ERC2: variants seen among roughly 807,000 people sequenced by gnomAD.
ERC2 encodes the protein ERC protein 2.
A neutral mutation model predicts 114.8 loss-of-function variants in ERC2; 42 were observed. That is an observed-to-expected ratio of 0.37 (90% CI 0.29 to 0.47). The LOEUF (loss-of-function observed/expected upper bound fraction) is 0.47, where lower values mean the gene tolerates loss of function less well. Among genes scored for constraint, ERC2 ranks in the 20% least tolerant of loss-of-function variants. ERC2 has a pLI of 0.99. For missense variants in ERC2, 939 were observed against 1,150.7 expected (o/e 0.82, Z 2.66); for synonymous variants, 454 against 425.5 (o/e 1.07, Z -0.82).
chr3:55,926,810 T>A (rs2065779948), intron 13 of ERC2, among the ~76,000 whole-genome samples: 1 of 152,176 alleles, frequency 6.6e-6, no homozygotes, highest in Non-Finnish European at 1.5e-5. Context: ...TCTCTGTGGC[T>A]GGAAGGCAAA....
intron 13 of ERC2, among the ~76,000 whole-genome samples, chr3:55,949,056 G>T (rs73086151): frequency 2.0e-5 from 3 of 151,920 alleles, no homozygotes; most frequent in African/African-American, 7.3e-5. Flanking sequence ...GAGCCCTAAG[G>T]TCAGGTCGTC....
chr3:55,945,367 TTA>T (rs2067061161), intron 13 of ERC2, among the ~76,000 whole-genome samples: 2 of 152,320 alleles, frequency 1.3e-5, no homozygotes, highest in East Asian at 3.9e-4. Flanking sequence ...TAGATCACAT[TTA>T]AAGTAACAAT....
chr3:55,796,141 G>A (rs533685951), intron 14 of ERC2, among the ~76,000 whole-genome samples: 2 of 152,170 alleles, frequency 1.3e-5, no homozygotes, highest in East Asian at 1.9e-4. Context: ...AAATTATACC[G>A]GCAAGGCTAT....
At chr3:56,064,567 AG>A (rs2076386126) in intron 7 of ERC2, among the ~76,000 whole-genome samples, 1 of 152,262 alleles carries the variant, frequency 6.6e-6, no homozygotes, top group African/African-American at 2.4e-5. Context: ...AGAACGCAAC[AG>A]AAACTAAGGA....
chr3:56,376,605 A>G (rs2059552191), intron 2 of ERC2, among the ~76,000 whole-genome samples: 1 of 152,132 alleles, frequency 6.6e-6, no homozygotes, highest in Admixed American at 6.5e-5. Flanking sequence ...TCTACTAAAA[A>G]TACAAAAATT....
At chr3:56,405,687 A>G (rs150655734) in intron 2 of ERC2, among the ~76,000 whole-genome samples, 4 of 152,270 alleles carry the variant, frequency 2.6e-5, no homozygotes, top group East Asian at 1.9e-4. Flanking sequence ...GAAGAAATAG[A>G]TTAAATGTGT....
rs566741526 is a variant in ERC2 at position 55,943,054 on chromosome 3, CT to C, written c.2403+7370del. On this transcript the variant is annotated intron_variant, in intron 13 of 17. Transcript: ENST00000288221. The stretch of plus-strand genomic sequence containing the variant: ...TGCACTGTAATTTGCAGGTGCCCCC[CT>C]GACTAACCTCTGGTAGCGATAACTC... Among the ~76,000 whole-genome samples the C allele has an allele frequency of 2.4e-4, 37 of 152,288 alleles. No homozygotes were observed. In the South Asian group the frequency reaches 6.2e-3, roughly 26 times the overall value.
chr3:55,956,824 C>T (rs2067987716), intron 12 of ERC2, among the ~76,000 whole-genome samples: 1 of 152,160 alleles, frequency 6.6e-6, no homozygotes, highest in South Asian at 2.1e-4. Flanking sequence ...CCCACATCCC[C>T]ACATTTTCCA....
chr3:56,003,058 G>A (rs1316722689), intron 10 of ERC2: 1 of 1,273,830 alleles, frequency 7.9e-7, no homozygotes, highest in Non-Finnish European at 1.0e-6. Flanking sequence ...GGATCCTCAT[G>A]CTTTGATATG....
chr3:56,426,965 C>T (rs868497486), intron 2 of ERC2, among the ~76,000 whole-genome samples: 1 of 143,116 alleles, frequency 7.0e-6, no homozygotes, highest in Non-Finnish European at 1.5e-5. Flanking sequence ...AGTTCAAGAC[C>T]AGCTTGGGAA....
chr3:55,599,049 C>G (rs2058281018), intron 17 of ERC2, among the ~76,000 whole-genome samples: 2 of 152,214 alleles, frequency 1.3e-5, no homozygotes, highest in South Asian at 4.1e-4. Flanking sequence ...AGGAGCAGTA[C>G]AATTTTGGCA....
Position 56,228,307 on chromosome 3 carries a change from G to C in ERC2, c.1075-54787C>G, listed in dbSNP as rs145225435. Among the ~76,000 whole-genome samples the C allele has an allele frequency of 2.8e-3, 428 of 152,130 alleles. 1 individual carries two copies. The highest frequency in any genetic ancestry group is 9.9e-3 in the African/African-American group (409 of 41,512). ...GCAACCGTCACCACCATCCATCTCC[G>C]GAACTTCCCAAATTGAAATTCCATG... is the stretch of plus-strand genomic sequence containing the variant. On this transcript the variant is annotated intron_variant, in intron 3 of 17. Coordinates refer to ENST00000288221, the MANE Select transcript of ERC2 (RefSeq NM_015576.3).
chr3:55,608,401 G>A (rs1339274864), intron 17 of ERC2, among the ~76,000 whole-genome samples: 1 of 152,142 alleles, frequency 6.6e-6, no homozygotes, highest in Non-Finnish European at 1.5e-5. Context: ...AAACACCAGA[G>A]GCAATCATAT....
At chr3:56,079,869 T>G (rs2077147378) in intron 7 of ERC2, among the ~76,000 whole-genome samples, 1 of 152,154 alleles carries the variant, frequency 6.6e-6, no homozygotes, top group Admixed American at 6.5e-5. Context: ...ACATCTGGAA[T>G]GCTGTAGATC....
chr3:55,563,463 G>A (rs2056170634), intron 17 of ERC2, among the ~76,000 whole-genome samples: 1 of 152,088 alleles, frequency 6.6e-6, no homozygotes, highest in Non-Finnish European at 1.5e-5. Context: ...CCCAGGATGG[G>A]CTCCCAACTG....
chr3:56,345,831 G>A, intron 2 of ERC2, among the ~76,000 whole-genome samples: 1 of 152,340 alleles, frequency 6.6e-6, no homozygotes, highest in East Asian at 1.9e-4. Flanking sequence ...CATGCAATCT[G>A]TAAGCATATG....
chr3:55,592,624 G>A (rs1005321771), intron 17 of ERC2, among the ~76,000 whole-genome samples: 2 of 152,154 alleles, frequency 1.3e-5, no homozygotes, highest in African/African-American at 4.8e-5. Flanking sequence ...TGTCTACAAT[G>A]ACGAAGTGTA....
intron 17 of ERC2, among the ~76,000 whole-genome samples, chr3:55,556,269 C>T (rs1238009782): frequency 6.6e-6 from 1 of 152,186 alleles, no homozygotes; most frequent in Non-Finnish European, 1.5e-5. Flanking sequence ...TCTCTCACTG[C>T]ATGGATATTT....
intron 7 of ERC2, among the ~76,000 whole-genome samples, chr3:56,026,395 G>A (rs536672187): frequency 6.6e-6 from 1 of 152,242 alleles, no homozygotes; most frequent in South Asian, 2.1e-4. Flanking sequence ...AAGCAACATA[G>A]GTTCCCAGCA....
Sources: gnomAD v4.1 joint callset for allele counts (sites outside exome capture counted in the v4.1 genomes callset) on GRCh38, gnomAD v4.1.1 for gene constraint, MANE v1.5 for transcripts, NCBI Gene and HGNC (gene_info 2026-07-23, HGNC 2026-07-21) for gene names.